ZNF385D: variants seen among roughly 807,000 people sequenced by gnomAD.
ZNF385D encodes zinc finger protein 659.
A neutral mutation model predicts 35.8 loss-of-function variants in ZNF385D; 15 were observed. That is an observed-to-expected ratio of 0.42 (90% CI 0.28 to 0.64). ZNF385D has a LOEUF of 0.64. Among genes scored for constraint, ZNF385D ranks in the 30% least tolerant of loss-of-function variants. ZNF385D has a pLI of 0.23. For missense variants in ZNF385D, 474 were observed against 494.6 expected (o/e 0.96, Z 0.39); for synonymous variants, 212 against 186.8 (o/e 1.13, Z -1.10).
chr3:21,902,748 A>T (rs1264819886), intron 3 of ZNF385D, among the ~76,000 whole-genome samples: 1 of 152,184 alleles, frequency 6.6e-6, no homozygotes, highest in African/African-American at 2.4e-5. Context: ...CTAGATGACG[A>T]GTTAGTGGGT....
At chr3:22,196,582 C>T (rs1432358292) in intron 2 of ZNF385D, among the ~76,000 whole-genome samples, 2 of 150,932 alleles carry the variant, frequency 1.3e-5, no homozygotes, top group African/African-American at 4.9e-5. Flanking sequence ...ATTTCTTATC[C>T]CAGAGATTAC....
chr3:22,329,904 C>T (rs1316297144), intron 2 of ZNF385D, among the ~76,000 whole-genome samples: 1 of 152,118 alleles, frequency 6.6e-6, no homozygotes, highest in African/African-American at 2.4e-5. Context: ...TTACACTTAT[C>T]GCACATCTCA....
intron 1 of ZNF385D, among the ~76,000 whole-genome samples, chr3:21,697,795 A>T (rs1427482239): frequency 1.3e-5 from 2 of 152,168 alleles, no homozygotes; most frequent in Non-Finnish European, 2.9e-5. Context: ...ACTGACATAA[A>T]CAGACATTTC....
At chr3:21,976,504 C>G (rs367861963) in intron 3 of ZNF385D, among the ~76,000 whole-genome samples, 1 of 151,788 alleles carries the variant, frequency 6.6e-6, no homozygotes, top group African/African-American at 2.4e-5. Flanking sequence ...GAAGATAGAT[C>G]AAAAGAAAAT....
chr3:21,791,952 C>T (rs754292341), intron 3 of ZNF385D, among the ~76,000 whole-genome samples: 1 of 152,112 alleles, frequency 6.6e-6, no homozygotes, highest in Non-Finnish European at 1.5e-5. Flanking sequence ...CTAGGATGGT[C>T]TCGATCTCCT....
chr3:22,193,372 T>A (rs529307391), intron 2 of ZNF385D, among the ~76,000 whole-genome samples: 8 of 151,284 alleles, frequency 5.3e-5, no homozygotes, highest in Non-Finnish European at 7.4e-5. Context: ...TCATACCAAT[T>A]TTGAAATAGA....
chr3:22,254,061 G>T lies in ZNF385D; in HGVS notation c.107-85026C>A, dbSNP rs140099675. Reference sequence around the variant, plus strand: ...TGTTAAAGAAAACACAAATTATAAAGCACACAATGGGGAAAATATTTGCAC... The same window carrying T: ...TGTTAAAGAAAACACAAATTATAAATCACACAATGGGGAAAATATTTGCAC... On this transcript the variant is annotated intron_variant, in intron 2 of 5. Coordinates refer to the ZNF385D transcript ENST00000494108. Among the ~76,000 whole-genome samples, 390 of 151,806 alleles carry T rather than the reference G, an allele frequency of 2.6e-3. 6 individuals carry two copies. The highest frequency in any genetic ancestry group is 8.6e-3 in the African/African-American group (358 of 41,462).
intron 1 of ZNF385D, among the ~76,000 whole-genome samples, chr3:21,736,682 A>C (rs887626891): frequency 6.6e-6 from 1 of 152,194 alleles, no homozygotes; most frequent in Admixed American, 6.5e-5. Context: ...ATCCATATGG[A>C]ATTAGCAGAA....
intron 4 of ZNF385D, among the ~76,000 whole-genome samples, chr3:21,482,412 T>C (rs1021775123): frequency 1.3e-5 from 2 of 152,290 alleles, no homozygotes; most frequent in Non-Finnish European, 2.9e-5. Flanking sequence ...AAGTGTATGG[T>C]CTGCAAAGAC....
At chr3:21,942,107 AACTT>A (rs1701550768) in intron 3 of ZNF385D, among the ~76,000 whole-genome samples, 2 of 145,204 alleles carry the variant, frequency 1.4e-5, no homozygotes, top group Non-Finnish European at 3.0e-5. Context: ...GTAACACTTT[AACTT>A]TATGTGTATT....
At chr3:22,219,367 G>A (rs1698104402) in intron 2 of ZNF385D, among the ~76,000 whole-genome samples, 1 of 152,008 alleles carries the variant, frequency 6.6e-6, no homozygotes, top group South Asian at 2.1e-4. Context: ...AGCTAAGTAG[G>A]AAAATAGAAA....
chr3:21,761,900 G>C (rs1167565749), intron 3 of ZNF385D, among the ~76,000 whole-genome samples: 1 of 88,894 alleles, frequency 1.1e-5, no homozygotes, highest in African/African-American at 4.4e-5. Flanking sequence ...TTTTTTTTGA[G>C]ACGGAGTCTC....
intron 4 of ZNF385D, among the ~76,000 whole-genome samples, chr3:21,479,549 T>C (rs1704470998): frequency 6.6e-6 from 1 of 152,188 alleles, no homozygotes; most frequent in Admixed American, 6.5e-5. Context: ...TATTTCTTTG[T>C]ATGGCAAAGG....
intron 2 of ZNF385D, among the ~76,000 whole-genome samples, chr3:21,652,351 C>T (rs1439491154): frequency 6.6e-6 from 1 of 152,150 alleles, no homozygotes; most frequent in Non-Finnish European, 1.5e-5. Context: ...ATATGCCTCT[C>T]ATGTCATGTC....
At chr3:21,840,844 G>GA (rs1423656390) in intron 3 of ZNF385D, among the ~76,000 whole-genome samples, 1 of 151,934 alleles carries the variant, frequency 6.6e-6, no homozygotes, top group African/African-American at 2.4e-5. Context: ...AAAATGCTGA[G>GA]AGGAGATCAA....
intron 3 of ZNF385D, among the ~76,000 whole-genome samples, chr3:22,163,245 T>C (rs780424520): frequency 9.2e-5 from 14 of 152,182 alleles, no homozygotes; most frequent in Non-Finnish European, 1.9e-4. Context: ...GATTCTTGAA[T>C]CACACAGATT....
chr3:21,893,570 A>G (rs1698990235), intron 3 of ZNF385D, among the ~76,000 whole-genome samples: 3 of 152,256 alleles, frequency 2.0e-5, no homozygotes, highest in East Asian at 1.9e-4. Context: ...TCCTTAAATA[A>G]TTTAGCTCAT....
intron 2 of ZNF385D, among the ~76,000 whole-genome samples, chr3:21,602,658 G>A (rs1307928310): frequency 6.7e-6 from 1 of 148,830 alleles, no homozygotes; most frequent in Non-Finnish European, 1.5e-5. Context: ...TCAGCCTCCC[G>A]AGTAGCTGGG....
chr3:21,538,639 C>T (rs1377427648), intron 3 of ZNF385D, among the ~76,000 whole-genome samples: 1 of 152,106 alleles, frequency 6.6e-6, no homozygotes, highest in Non-Finnish European at 1.5e-5. Context: ...CCCACCACCA[C>T]TGTGTTACTT....
Sources: allele counts gnomAD v4.1 joint callset (sites outside exome capture counted in the v4.1 genomes callset), GRCh38; gene constraint gnomAD v4.1.1; transcripts MANE v1.5; gene names NCBI Gene and HGNC (gene_info 2026-07-23, HGNC 2026-07-21).